The following MTF1 variants were observed in gnomAD, a reference collection of about 807,000 sequenced individuals.
The protein encoded by MTF1 is MRE-binding transcription factor.
MTF1 carries 22 observed loss-of-function variants against 70.4 expected under a neutral mutation model. The ratio of observed to expected loss-of-function variants is 0.31; its 90% confidence interval spans 0.22 to 0.45. MTF1 has a LOEUF of 0.45. Ranked by LOEUF, MTF1 falls within the 20% of genes least tolerant of loss-of-function variation. The probability of loss-of-function intolerance (pLI) is 1.00; values close to 1 mark genes in which losing one functional copy is unlikely to be tolerated. For missense variants in MTF1, 649 were observed against 922.0 expected, an observed-to-expected ratio of 0.70 and a Z score of 3.83; for synonymous variants, 333 against 352.8, an observed-to-expected ratio of 0.94 and a Z score of 0.63.
intron 10 of MTF1, among the ~76,000 whole-genome samples, chr1:37,816,037 C>G (rs1569841237): frequency 1.3e-5 from 2 of 152,202 alleles, no homozygotes; most frequent in Admixed American, 1.3e-4. Context: ...AAGCCGGTAC[C>G]CAGCCTCCCG....
At chr1:37,834,432 A>T (rs1171779097) in intron 6 of MTF1, among the ~76,000 whole-genome samples, 1 of 151,564 alleles carries the variant, frequency 6.6e-6, no homozygotes, top group East Asian at 1.9e-4. Context: ...GGGGGAAGGG[A>T]AAGACTGCTT....
chr1:37,840,740 CTTCTTGAAAGGGGAGTCAA>C lies in MTF1; in HGVS notation c.409-601_409-583del, dbSNP rs1024313870. Among the ~76,000 whole-genome samples, 3 of 151,854 alleles carry C rather than the reference CTTCTTGAAAGGGGAGTCAA, an allele frequency of 2.0e-5. No homozygotes were observed. Among genetic ancestry groups the C allele is most frequent in the Admixed American group, 6.6e-5 (1 of 15,248 alleles). On this transcript the variant is annotated intron_variant, in intron 2 of 10. Transcript: ENST00000373036. The surrounding 1 kb of genome is among the most constrained non-coding windows in gnomAD (Gnocchi z 4.5). The stretch of plus-strand genomic sequence containing the variant: ...CCTCTTGTTTCCTTTCACCATCAAA[CTTCTTGAAAGGGGAGTCAA>C]TTCTTCACCTCATGGCAGAAGGTTA...
rs148546418 is a variant in MTF1 at position 37,849,622 on chromosome 1, G to A, written c.408+7629C>T. ...CAGTTAGCCATGGAGGATACATCAC[G>A]TCACCAATGTAGTGCAGACAGAGGT... On this transcript the variant is annotated intron_variant, in intron 2 of 10. Transcript: ENST00000373036. Among the ~76,000 whole-genome samples, 32 of 152,244 alleles carry A rather than the reference G, an allele frequency of 2.1e-4. No individual in the cohort carries two copies. In the East Asian group the frequency reaches 6.2e-3, roughly 29 times the overall value.
At chr1:37,845,562 G>A (rs1557596945) in intron 2 of MTF1, among the ~76,000 whole-genome samples, 5 of 152,192 alleles carry the variant, frequency 3.3e-5, no homozygotes, top group Non-Finnish European at 1.5e-5. Flanking sequence ...TAGGCTGAAT[G>A]CAGTGGCATG....
chr1:37,856,568 C>T (rs569638916), intron 2 of MTF1, among the ~76,000 whole-genome samples: 59 of 148,442 alleles, frequency 4.0e-4, no homozygotes, highest in African/African-American at 1.3e-3. Context: ...GGCATGATCT[C>T]GGCTCACTGC....
At chr1:37,816,475 G>C (rs1272973562) in intron 10 of MTF1, among the ~76,000 whole-genome samples, 1 of 152,094 alleles carries the variant, frequency 6.6e-6, no homozygotes, top group Non-Finnish European at 1.5e-5. Flanking sequence ...AGGAGTTTGA[G>C]ACCAGCCTGG....
rs1315776476 is a variant in MTF1, at chr1:37,835,525, C to G, written c.853+146G>C. The G allele has an allele frequency of 4.5e-6, 3 of 671,484 alleles. No individual in the cohort carries two copies. In the Admixed American group the frequency reaches 8.6e-5, roughly 19 times the overall value. The allele number at this position is 671,484 out of a possible 1,614,324, so 41.6% of individuals were successfully genotyped here. On this transcript the variant is annotated intron_variant, in intron 5 of 10. Transcript: ENST00000373036. ...CCTGAGGTCCGCCTCTGAAAGAAAC[C>G]CAAACATTCTAGGTAAGGCTGAGCT...
chr1:37,853,753 G>C (rs1641451113), intron 2 of MTF1, among the ~76,000 whole-genome samples: 1 of 152,168 alleles, frequency 6.6e-6, no homozygotes, highest in South Asian at 2.1e-4. Flanking sequence ...CCAGAATTAA[G>C]GGTGAGCTTC....
At position 37,857,570 on chromosome 1, in the gene MTF1, A is replaced by G; in HGVS notation, c.89T>C (p.Val30Ala). Residue 30 changes from valine to alanine, a missense_variant, in exon 2 of 11, where the codon GTG becomes GCG. Coordinates refer to ENST00000373036, the MANE Select transcript of MTF1 (RefSeq NM_005955.3). ...GGAAGGCACCAGTCCGTTTTTATCCACAAACCTGAGCATTTTATCATCGGG... is the reference window on the plus strand; with the variant it reads ...GGAAGGCACCAGTCCGTTTTTATCCGCAAACCTGAGCATTTTATCATCGGG... ...LTPDDKMLRFVDKNGLVPSSS... is the reference protein window; with the variant it reads ...LTPDDKMLRFADKNGLVPSSS... 2.5e-6 allele frequency: 4 copies of G among 1,614,196 alleles called. No homozygotes were observed. Among genetic ancestry groups the G allele is most frequent in the Non-Finnish European group, 3.4e-6 (4 of 1,180,034 alleles).
At chr1:37,835,050 C>T (rs1641145118) in intron 6 of MTF1, 29 bp downstream of exon 6, 2 of 1,609,976 alleles carry the variant, frequency 1.2e-6, no homozygotes, top group African/African-American at 2.7e-5. Context: ...TCTATGGTAC[C>T]CAGATCAAGA....
intron 7 of MTF1, among the ~76,000 whole-genome samples, chr1:37,824,330 T>A (rs1640967877): frequency 6.6e-6 from 1 of 152,294 alleles, no homozygotes; most frequent in Non-Finnish European, 1.5e-5. Context: ...AAGCCTAAAA[T>A]ATTTACTGTC....
At chr1:37,830,228 A>T (rs1476869219) in intron 7 of MTF1, among the ~76,000 whole-genome samples, 1 of 152,216 alleles carries the variant, frequency 6.6e-6, no homozygotes, top group Non-Finnish European at 1.5e-5. Context: ...CATAAAAGTC[A>T]TGTGATGTAC....
At chr1:37,828,081 G>A (rs77700694) in intron 7 of MTF1, 37,739 of 343,578 alleles carry the variant, frequency 0.11, 2,507 homozygotes, top group Middle Eastern at 0.23. Context: ...ACCTGTAACT[G>A]TATGTAATAA....
rs1405602554 is a variant in MTF1, at chr1:37,832,287, G to T, written c.1026C>A (p.Ser342Arg). The change falls in exon 7 of 11, where the codon AGC becomes AGA. Residue 342 changes from serine to arginine, a missense_variant. Physicochemically the swap from Ser to Arg is moderately radical, Grantham distance 110. Coordinates refer to ENST00000373036, the MANE Select transcript of MTF1 (RefSeq NM_005955.3). The part of the protein sequence containing the change: ...TNHSLCLSDL[S>R]LLSTDSELRE... ...GCAATTCAGAATCTGTGGACAGAAG[G>T]CTCAAGTCACTTAGACAAAGTGAGT... The T allele has an allele frequency of 3.1e-6, 5 of 1,613,386 alleles. No homozygotes were observed. Among genetic ancestry groups the T allele is most frequent in the Non-Finnish European group, 4.2e-6 (5 of 1,179,504 alleles).
intron 2 of MTF1, among the ~76,000 whole-genome samples, chr1:37,842,290 T>C (rs1641266359): frequency 6.6e-6 from 1 of 151,896 alleles, no homozygotes; most frequent in South Asian, 2.1e-4. Flanking sequence ...GGCTGGATGA[T>C]TTAGAAAAGA....
In MTF1 at chr1:37,815,197, G is replaced by T; in HGVS notation, c.2201C>A (p.Pro734His). 1 of 1,614,188 alleles carries T rather than the reference G, an allele frequency of 6.2e-7. No individual in the cohort carries two copies. Among genetic ancestry groups the T allele is most frequent in the Non-Finnish European group, 8.5e-7 (1 of 1,180,044 alleles). The stretch of plus-strand genomic sequence containing the variant: ...CTCCCCCTGCAGTAGTGCTTCAATG[G>T]GAATCAGATTGGACGGGGTGTCCAG... ...QSLDTPSNLI[P>H]IEALLQGEEE... The change falls in exon 11 of 11, where the codon CCC (proline) becomes CAC (histidine). Residue 734 changes from proline to histidine, a missense_variant. By Grantham distance (77) the Pro-to-His change is moderately conservative. Coordinates refer to ENST00000373036, the MANE Select transcript of MTF1 (RefSeq NM_005955.3). The surrounding 1 kb of genome is among the most constrained non-coding windows in gnomAD (Gnocchi z 4.5).
intron 10 of MTF1, among the ~76,000 whole-genome samples, chr1:37,816,365 T>A (rs1298533196): frequency 2.0e-5 from 3 of 151,968 alleles, no homozygotes; most frequent in Admixed American, 6.6e-5. Flanking sequence ...AGTGAGACTC[T>A]GTCTCTACAC....
At position 37,844,186 on chromosome 1, in the gene MTF1, C is replaced by G. The variant is rs572843917; in HGVS notation, c.409-4028G>C. The stretch of plus-strand genomic sequence containing the variant: ...TTCCAGGGCTGCTTCTGTCTTCTAT[C>G]ACATTACTCAGTAAGCAGCCAAACA... On this transcript the variant is annotated intron_variant, in intron 2 of 10. Transcript: ENST00000373036. Among the ~76,000 whole-genome samples the G allele has an allele frequency of 2.6e-5, 4 of 152,328 alleles. No homozygotes were observed. The South Asian group carries it at 8.3e-4, about 32-fold the overall frequency.
At chr1:37,823,661 T>A in intron 8 of MTF1, 49 bp downstream of exon 8, 1 of 1,339,432 alleles carries the variant, frequency 7.5e-7, no homozygotes. Flanking sequence ...TGTGACTCAG[T>A]GTGTCAGCAA....
Sources: allele counts gnomAD v4.1 joint callset (sites outside exome capture counted in the v4.1 genomes callset), GRCh38; gene constraint gnomAD v4.1.1; non-coding constraint Gnocchi (gnomAD v3.1); transcripts MANE v1.5; gene names NCBI Gene and HGNC (gene_info 2026-07-23, HGNC 2026-07-21).